EYS: variants seen among roughly 807,000 people sequenced by gnomAD.
EYS encodes EGF-like photoreceptor maintenance factor.
A neutral mutation model predicts 282.1 loss-of-function variants in EYS; 250 were observed. That is an observed-to-expected ratio of 0.89 (90% CI 0.80 to 0.98). The LOEUF (loss-of-function observed/expected upper bound fraction) is 0.98. Ranked by LOEUF, EYS falls within the 50% of genes least tolerant of loss-of-function variation. The pLI is 0.00. For synonymous variants in EYS, 1,355 were observed against 1,282.9 expected (o/e 1.06, Z -1.20); for missense variants, 4,016 against 3,709.0 (o/e 1.08, Z -2.15).
chr6:64,994,270 G>A (rs867094058), intron 14 of EYS, among the ~76,000 whole-genome samples: 3 of 151,954 alleles, frequency 2.0e-5, no homozygotes, highest in Non-Finnish European at 4.4e-5. Context: ...AAGAAAACTG[G>A]CTCATTGTTA....
At chr6:64,013,830 T>C (rs534926024) in intron 33 of EYS, among the ~76,000 whole-genome samples, 1 of 152,162 alleles carries the variant, frequency 6.6e-6, no homozygotes, top group Non-Finnish European at 1.5e-5. Flanking sequence ...AAAAAAAAAT[T>C]CTTTTTCTTT....
chr6:65,115,824 T>C (rs1775354138), intron 12 of EYS, among the ~76,000 whole-genome samples: 1 of 152,122 alleles, frequency 6.6e-6, no homozygotes, highest in South Asian at 2.1e-4. Flanking sequence ...GAGTTTAGGT[T>C]ACTTGTAGGA....
chr6:64,734,343 A>C (rs1458429735), intron 22 of EYS, among the ~76,000 whole-genome samples: 2 of 151,154 alleles, frequency 1.3e-5, no homozygotes, highest in African/African-American at 4.9e-5. Flanking sequence ...TTTTTTTTTT[A>C]AGTTTTGTTT....
chr6:63,720,564 G>A lies in EYS; in HGVS notation c.*32C>T, dbSNP rs538834676. 1.2e-5 allele frequency: 17 copies of A among 1,402,276 alleles called. No homozygotes were observed. Among genetic ancestry groups the A allele is most frequent in the Non-Finnish European group, 1.6e-5 (17 of 1,054,424 alleles). 86.9% of individuals were successfully genotyped at this position (1,402,276 alleles called of 1,614,324 possible). On this transcript the variant is annotated 3_prime_UTR_variant, in exon 43 of 43. Coordinates refer to ENST00000503581, the MANE Select transcript of EYS (RefSeq NM_001142800.2). ...TAACTATCAAAATAACTGCATTTAT[G>A]TATAGTGTGTACTAAAATCTCTAGT...
chr6:64,134,486 A>T (rs1774094655), intron 31 of EYS, among the ~76,000 whole-genome samples: 2 of 152,236 alleles, frequency 1.3e-5, no homozygotes, highest in South Asian at 4.1e-4. Context: ...GAATACACAA[A>T]TGATGAAGAA....
chr6:63,825,519 A>G (rs1010171790), intron 36 of EYS, among the ~76,000 whole-genome samples: 2 of 152,194 alleles, frequency 1.3e-5, no homozygotes, highest in Admixed American at 1.3e-4. Flanking sequence ...CAACGAGAAC[A>G]GGTGCTGGTA....
At chr6:64,312,086 G>A (rs537760055) in intron 29 of EYS, among the ~76,000 whole-genome samples, 1 of 151,730 alleles carries the variant, frequency 6.6e-6, no homozygotes, top group East Asian at 1.9e-4. Context: ...CTCTGGCTCA[G>A]CAGGTCCCAC....
chr6:64,395,721 C>T (rs1056911146), intron 28 of EYS, among the ~76,000 whole-genome samples: 4 of 149,178 alleles, frequency 2.7e-5, no homozygotes, highest in Non-Finnish European at 4.4e-5. Flanking sequence ...CAGCATGGCA[C>T]ATGTATACAT....
Position 64,267,416 on chromosome 6 carries a change from T to A in EYS, c.6192-36592A>T, listed in dbSNP as rs115347408. Among the ~76,000 whole-genome samples the A allele has an allele frequency of 8.0e-3, 1,217 of 152,234 alleles. 9 individuals are homozygous for A. The highest frequency in any genetic ancestry group is 0.012 in the Non-Finnish European group (834 of 67,992). On this transcript the variant is annotated intron_variant, in intron 30 of 42. Transcript: ENST00000503581. ...CATACTTCACCTCTCTTCCTAGCCA[T>A]GTGTTCTGTCTGCTGTGGGCAATTT...
chr6:64,686,791 G>GTATATATATATATA (rs1222024843), intron 22 of EYS, among the ~76,000 whole-genome samples: 3 of 21,444 alleles, frequency 1.4e-4, no homozygotes, highest in African/African-American at 1.8e-4. Context: ...ATATATATGT[G>GTATATATATATATA]TGTATATATA....
At chr6:64,772,540 A>T (rs1421164960) in intron 22 of EYS, among the ~76,000 whole-genome samples, 1 of 151,762 alleles carries the variant, frequency 6.6e-6, no homozygotes, top group African/African-American at 2.4e-5. Flanking sequence ...TTATTTTAAA[A>T]TCTACAGTAA....
At chr6:64,914,042 C>T (rs891891910) in intron 15 of EYS, among the ~76,000 whole-genome samples, 6 of 151,836 alleles carry the variant, frequency 4.0e-5, no homozygotes, top group African/African-American at 4.8e-5. Flanking sequence ...GCTAGTCTGC[C>T]GTGAAGAGAA....
chr6:65,260,979 C>A (rs1767605147), intron 12 of EYS, among the ~76,000 whole-genome samples: 2 of 152,134 alleles, frequency 1.3e-5, no homozygotes, highest in Admixed American at 6.6e-5. Flanking sequence ...AACCTAAAAG[C>A]TTTTACTTAA....
intron 15 of EYS, among the ~76,000 whole-genome samples, chr6:64,944,783 C>G (rs958426395): frequency 6.6e-5 from 10 of 151,650 alleles, no homozygotes; most frequent in Admixed American, 1.3e-4. Flanking sequence ...ATTCTGAGAT[C>G]AGAGAAAAAC....
At chr6:64,711,996 T>C (rs1771230202) in intron 22 of EYS, among the ~76,000 whole-genome samples, 2 of 152,162 alleles carry the variant, frequency 1.3e-5, no homozygotes, top group South Asian at 4.1e-4. Flanking sequence ...GGGTGGGGAT[T>C]GATAAGAGGA....
intron 12 of EYS, among the ~76,000 whole-genome samples, chr6:65,118,483 T>C (rs1460635207): frequency 1.3e-5 from 2 of 152,242 alleles, no homozygotes; most frequent in African/African-American, 2.4e-5. Context: ...TGAAGAATTA[T>C]ACTGGCTGTT....
At chr6:64,218,596 G>A (rs1766002619) in intron 31 of EYS, among the ~76,000 whole-genome samples, 1 of 152,112 alleles carries the variant, frequency 6.6e-6, no homozygotes, top group Non-Finnish European at 1.5e-5. Context: ...AAATCAGAAT[G>A]GAGCTCAGCT....
chr6:65,694,698 GAT>G (rs1487320310), intron 1 of EYS, among the ~76,000 whole-genome samples: 1 of 146,736 alleles, frequency 6.8e-6, no homozygotes, highest in East Asian at 2.4e-4. Flanking sequence ...TGTGCAAAAT[GAT>G]GTTAACTAGC....
rs1404205429 is a variant in EYS, at chr6:64,591,494, G to C, written c.4373C>G (p.Thr1458Ser). The change falls in exon 26 of 43, where the codon ACT (threonine) becomes AGT (serine). Residue 1458 changes from threonine (T) to serine (S), a missense_variant. Transcript: ENST00000503581. ...TTGAGCCCCCCTAGAGACAACTGGAGTTGCACTTATGGAGGCAGCTATAAG... is the reference window on the plus strand; with the variant it reads ...TTGAGCCCCCCTAGAGACAACTGGACTTGCACTTATGGAGGCAGCTATAAG... Reference protein sequence around the residue: ...FLLIAASISATPVVSRGAQED... With the variant: ...FLLIAASISASPVVSRGAQED... The C allele has an allele frequency of 6.4e-7, 1 of 1,551,230 alleles. No homozygotes were observed. Among genetic ancestry groups the C allele is most frequent in the Non-Finnish European group, 8.7e-7 (1 of 1,146,784 alleles).
Sources: gnomAD v4.1 joint callset for allele counts (sites outside exome capture counted in the v4.1 genomes callset) on GRCh38, gnomAD v4.1.1 for gene constraint, MANE v1.5 for transcripts, NCBI Gene and HGNC (gene_info 2026-07-23, HGNC 2026-07-21) for gene names.